CUBN: variants seen among roughly 807,000 people sequenced by gnomAD.
CUBN encodes the protein 460 kDa receptor.
CUBN carries 282 observed loss-of-function variants against 405.3 expected under a neutral mutation model. The ratio of observed to expected loss-of-function variants is 0.70; its 90% CI spans 0.63 to 0.77. The LOEUF (loss-of-function observed/expected upper bound fraction) is 0.77. Among genes scored for constraint, CUBN ranks in the 30% least tolerant of loss-of-function variants. The pLI is 0.00. For synonymous variants in CUBN, 1,684 were observed against 1,617.0 expected, an observed-to-expected ratio of 1.04 and a Z score of -0.99; for missense variants, 4,514 against 4,475.2, an observed-to-expected ratio of 1.01 and a Z score of -0.25.
chr10:17,082,439 A>G (rs1245512181), intron 17 of CUBN, among the ~76,000 whole-genome samples: 1 of 152,220 alleles, frequency 6.6e-6, no homozygotes, highest in East Asian at 1.9e-4. Flanking sequence ...AGAGGAGTTC[A>G]TGGAACCGCT....
chr10:17,076,875 C>G (rs1300201356), intron 17 of CUBN, among the ~76,000 whole-genome samples: 1 of 152,150 alleles, frequency 6.6e-6, no homozygotes, highest in African/African-American at 2.4e-5. Flanking sequence ...CTATTGTGAG[C>G]AAAGAATAAA....
intron 31 of CUBN, among the ~76,000 whole-genome samples, chr10:16,979,570 T>C (rs533223251): frequency 6.6e-6 from 1 of 152,148 alleles, no homozygotes; most frequent in Non-Finnish European, 1.5e-5. Context: ...TTAACAAACC[T>C]GACAAAAACA....
Position 16,906,351 on chromosome 10 carries a change from G to A in CUBN, c.7764C>T (p.Asp2588=), listed in dbSNP as rs368055206. 4.3e-5 allele frequency: 70 copies of A among 1,613,916 alleles called. No homozygotes were observed. Among genetic ancestry groups the A allele is most frequent in the African/African-American group, 6.7e-5 (5 of 74,898 alleles). ...PEGNFTSPGY[D]GVRNYSRNLN... ...GGTTTCTTGAGTAATTCCTGACTCCGTCATAGCCAGGAGAAGTAAAGTTTC... is the reference window on the plus strand; with the variant it reads ...GGTTTCTTGAGTAATTCCTGACTCCATCATAGCCAGGAGAAGTAAAGTTTC... Residue 2588 remains aspartate (D), a synonymous_variant, in exon 50 of 67, where the codon GAC becomes GAT. Transcript: ENST00000377833.
At chr10:16,888,316 C>T in intron 56 of CUBN, 101 bp downstream of exon 56, 1 of 921,406 alleles carries the variant, frequency 1.1e-6, no homozygotes, top group Non-Finnish European at 1.7e-6. Context: ...CTGGATTTAG[C>T]CACTCTACAA....
At chr10:17,096,483 A>G (rs1836377543) in intron 14 of CUBN, among the ~76,000 whole-genome samples, 1 of 152,126 alleles carries the variant, frequency 6.6e-6, no homozygotes, top group Admixed American at 6.6e-5. Context: ...GGAAAAGAAG[A>G]TAAAAATAAT....
At chr10:16,882,151 C>A in intron 56 of CUBN, among the ~76,000 whole-genome samples, 1 of 152,106 alleles carries the variant, frequency 6.6e-6, no homozygotes, top group East Asian at 1.9e-4. Context: ...AGTTTATGAC[C>A]AAGAGGCAGC....
intron 31 of CUBN, among the ~76,000 whole-genome samples, chr10:16,976,536 A>T (rs1309649307): frequency 6.6e-6 from 1 of 151,056 alleles, no homozygotes; most frequent in Non-Finnish European, 1.5e-5. Flanking sequence ...CATTCTATTT[A>T]TCCTGCTTTG....
chr10:17,114,103 G>A lies in CUBN; in HGVS notation c.807C>T (p.Phe269=). 6.2e-7 allele frequency: 1 copy of A among 1,613,610 alleles called. No individual in the cohort carries two copies. Among genetic ancestry groups the A allele is most frequent in the Non-Finnish European group, 8.5e-7 (1 of 1,179,844 alleles). The change falls in exon 8 of 67, where the codon TTC becomes TTT. Residue 269 remains phenylalanine (F), a synonymous_variant. Transcript: ENST00000377833. ...ACTLDRDECS[F]QPGPCSTLVQ... The stretch of plus-strand genomic sequence containing the variant: ...CAAGTGTGGAGCAAGGCCCGGGCTG[G>A]AAGCTGCACTCGTCTCTGTCCAGCG...
chr10:16,825,153 T>A (rs543427696), intron 66 of CUBN, 71 bp from the exon 67 acceptor site: 3 of 1,089,346 alleles, frequency 2.8e-6, no homozygotes, highest in East Asian at 5.1e-5. Context: ...AATGTTAGCC[T>A]AGTAACAAAG....
intron 56 of CUBN, among the ~76,000 whole-genome samples, chr10:16,887,249 A>G (rs996583662): frequency 1.3e-5 from 2 of 152,242 alleles, no homozygotes; most frequent in Non-Finnish European, 2.9e-5. Flanking sequence ...AAGTGAATAA[A>G]TTAAAAGCTA....
At chr10:16,964,899 T>A (rs1564450619) in intron 31 of CUBN, among the ~76,000 whole-genome samples, 2 of 152,218 alleles carry the variant, frequency 1.3e-5, no homozygotes, top group Non-Finnish European at 2.9e-5. Flanking sequence ...TATAGACAAC[T>A]GTATCGTAGA....
rs569527072 is a variant in CUBN at position 16,928,174 on chromosome 10, T to G, written c.6254A>C (p.Asn2085Thr). Reference sequence around the variant, plus strand: ...CTCATTACTCTTGTGAAAGGATGCATTGAAGCCTGCCCTGGTTACACTGGA... The same window carrying G: ...CTCATTACTCTTGTGAAAGGATGCAGTGAAGCCTGCCCTGGTTACACTGGA... ...SDSSVTRAGF[N>T]ASFHKSCGGY... The change falls in exon 41 of 67, where the codon AAT (asparagine) becomes ACT (threonine). Residue 2085 changes from asparagine (N) to threonine (T), a missense_variant. By Grantham distance (65) the Asn-to-Thr change is moderately conservative (BLOSUM62 0). Coordinates refer to ENST00000377833, the MANE Select transcript of CUBN (RefSeq NM_001081.4). The G allele has an allele frequency of 6.2e-7, 1 of 1,613,724 alleles. No homozygotes were observed. Among genetic ancestry groups the G allele is most frequent in the Non-Finnish European group, 8.5e-7 (1 of 1,179,842 alleles).
At chr10:17,023,119 G>A (rs1162767994) in intron 27 of CUBN, among the ~76,000 whole-genome samples, 1 of 151,704 alleles carries the variant, frequency 6.6e-6, no homozygotes, top group Non-Finnish European at 1.5e-5. Flanking sequence ...CTTCCTTCTG[G>A]ATGGGATTAC....
At chr10:17,123,014 G>C in intron 5 of CUBN, 116 bp from the exon 6 acceptor site, 1 of 752,950 alleles carries the variant, frequency 1.3e-6, no homozygotes, top group East Asian at 2.6e-5. Context: ...TCCTCATAAA[G>C]TCAAATACAA....
Position 17,072,039 on chromosome 10 carries a change from C to A in CUBN, c.2302-68G>T, listed in dbSNP as rs552986207. The A allele has an allele frequency of 8.7e-5, 110 of 1,264,602 alleles. No homozygotes were observed. In the East Asian group the frequency reaches 2.7e-3, roughly 31 times the overall value. The allele number at this position is 1,264,602 out of a possible 1,614,324, so 78.3% of individuals were successfully genotyped here. A position where few individuals can be genotyped will look rare whatever the true frequency, so the allele number is the denominator to read the frequency against. ...ACTTACGTCGGCAATGGTGGCGTTA[C>A]TTGGAGATGAAAAAATGGCAGATTC... On this transcript the variant is annotated intron_variant, in intron 17 of 66. Transcript: ENST00000377833.
intron 59 of CUBN, among the ~76,000 whole-genome samples, chr10:16,861,403 T>A (rs890968955): frequency 6.6e-6 from 1 of 152,002 alleles, no homozygotes; most frequent in African/African-American, 2.4e-5. Context: ...CCTCAGGTGA[T>A]CAGCCCGCCT....
At position 16,824,923 on chromosome 10, in the gene CUBN, G is replaced by C; in HGVS notation, c.*52C>G. 1.6e-6 allele frequency: 2 copies of C among 1,277,440 alleles called. No homozygotes were observed. Among genetic ancestry groups the C allele is most frequent in the Non-Finnish European group, 2.3e-6 (2 of 875,436 alleles). The allele number at this position is 1,277,440 out of a possible 1,614,324, so 79.1% of individuals were successfully genotyped here. Reference sequence around the variant, plus strand: ...TCATGTATCAGGATGGCAGAGTGCTGTCCAGCGTGCTGCAGAGGGAAAGTG... The same window carrying C: ...TCATGTATCAGGATGGCAGAGTGCTCTCCAGCGTGCTGCAGAGGGAAAGTG... On this transcript the variant is annotated 3_prime_UTR_variant, in exon 67 of 67. Transcript: ENST00000377833.
rs756048896 is a variant in CUBN, at chr10:16,954,530, A to C, written c.4714T>G (p.Ser1572Ala). Residue 1572 changes from serine to alanine, a missense_variant, in exon 32 of 67, where the codon TCC becomes GCC. Around this residue, in one of 5 missense-constraint regions of CUBN, gnomAD observed 1,613 missense variants for 1,542.8 expected, o/e 1.05. Transcript: ENST00000377833. ...SCIMAYDGLS[S>A]TMSRLARTCG... ...GTCCTGGCAAGGCGGGACATTGTGGAGCTTAAGCCATCGTATGCCTACAAG... is the reference window on the plus strand; with the variant it reads ...GTCCTGGCAAGGCGGGACATTGTGGCGCTTAAGCCATCGTATGCCTACAAG... The C allele has an allele frequency of 6.8e-6, 11 of 1,613,542 alleles. No individual in the cohort carries two copies. The highest frequency in any genetic ancestry group is 1.3e-5 in the African/African-American group (1 of 74,868).
chr10:17,111,854 G>A (rs368407694), intron 8 of CUBN, among the ~76,000 whole-genome samples: 1 of 152,232 alleles, frequency 6.6e-6, no homozygotes, highest in East Asian at 1.9e-4. Context: ...AACCCGGGAG[G>A]TGGAGGTTGC....
Sources: gnomAD v4.1 joint callset for allele counts (sites outside exome capture counted in the v4.1 genomes callset) on GRCh38, gnomAD v4.1.1 for gene constraint, gnomAD v4.1.1 regional missense constraint, MANE v1.5 for transcripts, NCBI Gene and HGNC (gene_info 2026-07-23, HGNC 2026-07-21) for gene names.